SBF2: variants seen among roughly 807,000 people sequenced by gnomAD.
SBF2 encodes SET binding factor 2.
A neutral mutation model predicts 225.2 loss-of-function variants in SBF2; 112 were observed. The observed-to-expected ratio is 0.50, with a 90% CI of 0.43 to 0.58. The LOEUF (loss-of-function observed/expected upper bound fraction) is 0.58. Ranked by LOEUF, SBF2 falls within the 20% of genes least tolerant of loss-of-function variation. The pLI is 0.00. For missense variants in SBF2, 1,996 were observed against 2,206.2 expected (o/e 0.90, Z 1.91); for synonymous variants, 763 against 773.3 (o/e 0.99, Z 0.22).
chr11:9,920,996 A>G (rs1436254192), intron 16 of SBF2, among the ~76,000 whole-genome samples: 1 of 150,000 alleles, frequency 6.7e-6, no homozygotes, highest in Non-Finnish European at 1.5e-5. Flanking sequence ...TTCTCAGCCT[A>G]CTGCCTATAG....
At chr11:10,137,460 C>A (rs900999814) in intron 2 of SBF2, among the ~76,000 whole-genome samples, 1 of 152,098 alleles carries the variant, frequency 6.6e-6, no homozygotes, top group African/African-American at 2.4e-5. Context: ...GAGCAGACAT[C>A]CTTTCTTATT....
At chr11:9,965,164 A>G in intron 14 of SBF2, among the ~76,000 whole-genome samples, 1 of 152,248 alleles carries the variant, frequency 6.6e-6, no homozygotes, top group Non-Finnish European at 1.5e-5. Context: ...TTTTATGGCT[A>G]CTCTTTGGAT....
At chr11:10,178,107 T>G (rs1218193497) in intron 2 of SBF2, among the ~76,000 whole-genome samples, 2 of 147,062 alleles carry the variant, frequency 1.4e-5, no homozygotes. Flanking sequence ...ATTCTCTATT[T>G]AATAAATGGT....
intron 2 of SBF2, among the ~76,000 whole-genome samples, chr11:10,093,681 A>T (rs951070206): frequency 3.3e-5 from 5 of 152,220 alleles, no homozygotes; most frequent in African/African-American, 4.8e-5. Context: ...TCTCCCACTA[A>T]ACTGTGATTG....
intron 6 of SBF2, among the ~76,000 whole-genome samples, chr11:10,012,684 G>C (rs1341170119): frequency 6.6e-6 from 1 of 151,948 alleles, no homozygotes; most frequent in Admixed American, 6.5e-5. Flanking sequence ...CTGAGTATGG[G>C]TTACACTTCA....
chr11:9,969,174 C>A (rs1342604708), intron 13 of SBF2, among the ~76,000 whole-genome samples: 5 of 152,168 alleles, frequency 3.3e-5, no homozygotes, highest in Non-Finnish European at 7.3e-5. Flanking sequence ...ATCTTTAATG[C>A]CATTCTCTAA....
intron 27 of SBF2, among the ~76,000 whole-genome samples, chr11:9,831,319 C>T (rs542123050): frequency 1.3e-5 from 2 of 152,172 alleles, no homozygotes; most frequent in African/African-American, 4.8e-5. Context: ...TTCTAACATA[C>T]CCACCAGGTG....
intron 16 of SBF2, among the ~76,000 whole-genome samples, chr11:9,952,255 A>T (rs1590586619): frequency 1.2e-5 from 1 of 85,738 alleles, no homozygotes; most frequent in Admixed American, 1.4e-4. Flanking sequence ...TACACAAACA[A>T]ACAAACAAAC....
intron 16 of SBF2, among the ~76,000 whole-genome samples, chr11:9,899,126 T>C (rs967857620): frequency 1.3e-5 from 2 of 151,688 alleles, no homozygotes; most frequent in Admixed American, 6.6e-5. Context: ...TCTGAAATTA[T>C]TAGAGAACAG....
At chr11:10,284,407 C>T (rs1963607994) in intron 1 of SBF2, among the ~76,000 whole-genome samples, 1 of 152,098 alleles carries the variant, frequency 6.6e-6, no homozygotes, top group Non-Finnish European at 1.5e-5. Flanking sequence ...TAACCACATC[C>T]ACCTCCCACC....
At chr11:10,282,838 C>T (rs1963505534) in intron 1 of SBF2, among the ~76,000 whole-genome samples, 1 of 77,652 alleles carries the variant, frequency 1.3e-5, no homozygotes. Flanking sequence ...CAAGGCTCAC[C>T]ATCTATAGAG....
At chr11:9,998,063 G>T (rs1947785505) in intron 9 of SBF2, among the ~76,000 whole-genome samples, 1 of 152,202 alleles carries the variant, frequency 6.6e-6, no homozygotes. Context: ...CAAATATTCA[G>T]TTAGGATCCA....
chr11:10,296,464 T>C (rs1250365187), upstream of SBF2, among the ~76,000 whole-genome samples: 1 of 152,150 alleles, frequency 6.6e-6, no homozygotes, highest in African/African-American at 2.4e-5. Flanking sequence ...ACTTATTCAC[T>C]ATCACCACAA....
At chr11:9,993,266 T>C (rs1208079377) in intron 10 of SBF2, among the ~76,000 whole-genome samples, 163 bp from the exon 11 acceptor site, 1 of 152,194 alleles carries the variant, frequency 6.6e-6, no homozygotes, top group South Asian at 2.1e-4. Flanking sequence ...ACTCTCAAGA[T>C]TGTATTTAAT....
chr11:10,025,703 G>A (rs766879104), intron 6 of SBF2, among the ~76,000 whole-genome samples: 3 of 151,980 alleles, frequency 2.0e-5, no homozygotes, highest in Non-Finnish European at 4.4e-5. Flanking sequence ...GGGTTCAAGC[G>A]ATTCTCATGC....
At chr11:10,219,288 G>A (rs1186086121) in intron 1 of SBF2, among the ~76,000 whole-genome samples, 1 of 152,216 alleles carries the variant, frequency 6.6e-6, no homozygotes, top group Non-Finnish European at 1.5e-5. Context: ...CTTGAGGCTT[G>A]CACCCTCTGA....
At chr11:9,876,525 T>G (rs1590298513) in intron 17 of SBF2, among the ~76,000 whole-genome samples, 1 of 152,116 alleles carries the variant, frequency 6.6e-6, no homozygotes, top group African/African-American at 2.4e-5. Flanking sequence ...TCTTGCTCTC[T>G]CTCTCCCTCT....
intron 2 of SBF2, among the ~76,000 whole-genome samples, chr11:10,046,137 AAACAT>A (rs1398670428): frequency 6.6e-6 from 1 of 152,146 alleles, no homozygotes; most frequent in African/African-American, 2.4e-5. Flanking sequence ...ATTTAACATA[AAACAT>A]TTGAACATCC....
intron 2 of SBF2, among the ~76,000 whole-genome samples, chr11:10,111,295 T>C (rs573230292): frequency 1.3e-3 from 205 of 152,310 alleles, no homozygotes; most frequent in African/African-American, 4.7e-3. Context: ...ATTTTATAAA[T>C]AATTACTTTT....
Sources: gnomAD v4.1 joint callset for allele counts (sites outside exome capture counted in the v4.1 genomes callset) on GRCh38, gnomAD v4.1.1 for gene constraint, MANE v1.5 for transcripts, NCBI Gene and HGNC (gene_info 2026-07-23, HGNC 2026-07-21) for gene names.